Variants in SCAPER observed in about 807,000 individuals in gnomAD.
The protein encoded by SCAPER is S-phase cyclin A associated protein in the ER, also known as S phase cyclin A-associated protein in the endoplasmic reticulum.
SCAPER carries 98 observed loss-of-function variants against 182.2 expected under a neutral mutation model. The ratio of observed to expected loss-of-function variants is 0.54; its 90% CI spans 0.46 to 0.64. The LOEUF (loss-of-function observed/expected upper bound fraction) is 0.64, where lower values mean the gene tolerates loss of function less well. SCAPER is among the 30% of genes least tolerant of loss of function. The probability of loss-of-function intolerance (pLI) is 0.00; values close to 1 mark genes in which losing one functional copy is unlikely to be tolerated. For synonymous variants in SCAPER, 605 were observed against 564.6 expected, an observed-to-expected ratio of 1.07 and a Z score of -1.01; for missense variants, 1,432 against 1,690.0, an observed-to-expected ratio of 0.85 and a Z score of 2.68.
intron 5 of SCAPER, among the ~76,000 whole-genome samples, chr15:76,808,077 G>T (rs1408731064): frequency 1.3e-5 from 2 of 152,062 alleles, no homozygotes; most frequent in Non-Finnish European, 2.9e-5. Flanking sequence ...GAATAAAGAG[G>T]TGATTTTCAA....
chr15:76,396,909 T>A (rs2142067925), intron 27 of SCAPER, among the ~76,000 whole-genome samples: 1 of 152,296 alleles, frequency 6.6e-6, no homozygotes, highest in East Asian at 1.9e-4. Context: ...GGAAAGGCTT[T>A]CCATTTTTCC....
intron 8 of SCAPER, among the ~76,000 whole-genome samples, chr15:76,780,086 A>G (rs983581756): frequency 1.3e-5 from 2 of 152,218 alleles, no homozygotes; most frequent in Non-Finnish European, 2.9e-5. Context: ...CGCCTCACCC[A>G]GGAAATACAA....
rs926280363 is a variant in SCAPER at position 76,853,308 on chromosome 15, C to T, written c.195+4501G>A. ...ATTCCAAAAAATTGAGGAGAAAGAA[C>T]TCCTCCCCAACTCATTCTACGAAGC... is the stretch of plus-strand genomic sequence containing the variant. On this transcript the variant is annotated intron_variant, in intron 4 of 31. Transcript: ENST00000563290. Among the ~76,000 whole-genome samples the T allele has an allele frequency of 3.9e-5, 6 of 152,070 alleles. No homozygotes were observed. The East Asian group carries it at 1.2e-3, about 29-fold the overall frequency.
At chr15:76,657,792 T>C (rs1350530114) in intron 21 of SCAPER, among the ~76,000 whole-genome samples, 2 of 152,066 alleles carry the variant, frequency 1.3e-5, no homozygotes, top group Non-Finnish European at 2.9e-5. Context: ...GATTCATCTA[T>C]ACACAAAACT....
intron 15 of SCAPER, among the ~76,000 whole-genome samples, chr15:76,748,308 T>C (rs539828555): frequency 6.6e-6 from 1 of 152,058 alleles, no homozygotes; most frequent in Non-Finnish European, 1.5e-5. Flanking sequence ...GATATTCTTA[T>C]GCAAAAGAAT....
chr15:76,490,231 T>C (rs548718125), intron 24 of SCAPER, among the ~76,000 whole-genome samples: 11 of 152,238 alleles, frequency 7.2e-5, no homozygotes, highest in Non-Finnish European at 1.6e-4. Context: ...CTGTTTTCCA[T>C]AGTGGCTGCA....
chr15:76,744,700 C>T (rs989414254), intron 15 of SCAPER, among the ~76,000 whole-genome samples: 4 of 152,270 alleles, frequency 2.6e-5, no homozygotes, highest in African/African-American at 9.6e-5. Context: ...TAAATTAGTT[C>T]AGCCACTGTG....
intron 24 of SCAPER, among the ~76,000 whole-genome samples, chr15:76,482,804 C>T (rs574888108): frequency 8.6e-5 from 13 of 151,614 alleles, no homozygotes; most frequent in Non-Finnish European, 1.5e-4. Context: ...ATGTATATAC[C>T]CTCATTATTC....
intron 20 of SCAPER, among the ~76,000 whole-genome samples, chr15:76,686,250 G>A (rs1056847843): frequency 6.6e-6 from 1 of 151,682 alleles, no homozygotes; most frequent in Non-Finnish European, 1.5e-5. Context: ...AACAGAAAAG[G>A]GGCAGAACAG....
chr15:76,792,963 C>T (rs751137182), intron 8 of SCAPER, among the ~76,000 whole-genome samples: 89 of 152,370 alleles, frequency 5.8e-4, no homozygotes, highest in Non-Finnish European at 8.8e-4. Context: ...GCACAGGATT[C>T]AGCTAGCTCA....
chr15:76,850,063 G>C (rs986095789), intron 4 of SCAPER, among the ~76,000 whole-genome samples: 23 of 152,182 alleles, frequency 1.5e-4, no homozygotes, highest in Admixed American at 6.5e-5. Flanking sequence ...GACACGTGGG[G>C]ATTATGGGGA....
Position 76,547,704 on chromosome 15 carries a change from T to C in SCAPER, c.2838+26454A>G, listed in dbSNP as rs999963765. 3.1e-5 allele frequency among the ~76,000 whole-genome samples: 4 copies of C among 130,066 alleles called. No homozygotes were observed. In the South Asian group the frequency reaches 7.0e-4, roughly 23 times the overall value. 85.3% of individuals were successfully genotyped at this position (130,066 alleles called of 152,430 possible). ...CTTACTCTATCCATACATCCACTCA[T>C]TGATTGATTGATGAGACGGGTCATG... On this transcript the variant is annotated intron_variant, in intron 23 of 31. Coordinates refer to ENST00000563290, the MANE Select transcript of SCAPER (RefSeq NM_020843.4).
At chr15:76,399,060 G>A (rs1057388910) in intron 27 of SCAPER, among the ~76,000 whole-genome samples, 2 of 152,184 alleles carry the variant, frequency 1.3e-5, no homozygotes, top group Admixed American at 6.5e-5. Flanking sequence ...CTCCTGCCCT[G>A]AGATTTGAAA....
intron 2 of SCAPER, among the ~76,000 whole-genome samples, chr15:76,867,038 A>C (rs779199616): frequency 1.4e-4 from 21 of 152,260 alleles, no homozygotes; most frequent in Admixed American, 3.3e-4. Flanking sequence ...TAATCTAAGA[A>C]AGTGTTTACA....
intron 2 of SCAPER, among the ~76,000 whole-genome samples, chr15:76,870,461 C>A (rs552671186): frequency 8.6e-5 from 13 of 151,402 alleles, no homozygotes; most frequent in Non-Finnish European, 1.6e-4. Flanking sequence ...GGAATATACC[C>A]ACACATTAGC....
At chr15:76,681,306 A>C (rs2146996821) in intron 20 of SCAPER, among the ~76,000 whole-genome samples, 1 of 152,360 alleles carries the variant, frequency 6.6e-6, no homozygotes, top group Admixed American at 6.5e-5. Context: ...TGCATATTAC[A>C]ATACTATTAA....
At chr15:76,689,112 T>C (rs1453894768) in intron 20 of SCAPER, among the ~76,000 whole-genome samples, 2 of 152,094 alleles carry the variant, frequency 1.3e-5, no homozygotes, top group Admixed American at 6.6e-5. Context: ...CCTTTCAAAG[T>C]GCTGGGATTA....
intron 2 of SCAPER, among the ~76,000 whole-genome samples, chr15:76,867,744 C>T (rs761700603): frequency 6.6e-6 from 1 of 152,202 alleles, no homozygotes; most frequent in Non-Finnish European, 1.5e-5. Flanking sequence ...ACCTAAATTA[C>T]TAATACTGTA....
At chr15:76,700,674 C>T (rs1299418783) in intron 20 of SCAPER, among the ~76,000 whole-genome samples, 1 of 152,150 alleles carries the variant, frequency 6.6e-6, no homozygotes, top group Non-Finnish European at 1.5e-5. Context: ...CTTGGCTCTT[C>T]CTGTTTCCCC....
Sources: gnomAD v4.1 joint callset for allele counts (sites outside exome capture counted in the v4.1 genomes callset) on GRCh38, gnomAD v4.1.1 for gene constraint, MANE v1.5 for transcripts, NCBI Gene and HGNC (gene_info 2026-07-23, HGNC 2026-07-21) for gene names.